Variants in PLCB1 observed in about 807,000 individuals in gnomAD.
The protein encoded by PLCB1 is phospholipase C beta 1.
In PLCB1, 46 loss-of-function variants were observed where a neutral mutation model predicts 161.8. That is an observed-to-expected ratio of 0.28 (90% confidence interval 0.22 to 0.36). The LOEUF (loss-of-function observed/expected upper bound fraction) is 0.36. Ranked by LOEUF, PLCB1 falls within the 10% of genes least tolerant of loss-of-function variation. The pLI is 1.00. For synonymous variants in PLCB1, 517 were observed against 503.7 expected (o/e 1.03, Z -0.35); for missense variants, 1,016 against 1,472.5 (o/e 0.69, Z 5.07).
chr20:8,183,091 C>G (rs1411257246), intron 2 of PLCB1, among the ~76,000 whole-genome samples: 1 of 152,138 alleles, frequency 6.6e-6, no homozygotes, highest in Non-Finnish European at 1.5e-5. Context: ...AAAGATGAGG[C>G]TTTGCTGTAT....
At chr20:8,841,651 A>C (rs1986508394) in intron 31 of PLCB1, among the ~76,000 whole-genome samples, 2 of 152,090 alleles carry the variant, frequency 1.3e-5, no homozygotes, top group South Asian at 4.1e-4. Flanking sequence ...TTATATCTCC[A>C]CTCTTACACG....
At chr20:8,216,207 T>G (rs1979113907) in intron 2 of PLCB1, among the ~76,000 whole-genome samples, 1 of 152,096 alleles carries the variant, frequency 6.6e-6, no homozygotes, top group South Asian at 2.1e-4. Context: ...GTTTTTTACT[T>G]AGGGAGTCTT....
At chr20:8,683,087 G>A (rs185251765) in intron 9 of PLCB1, among the ~76,000 whole-genome samples, 195 of 151,732 alleles carry the variant, frequency 1.3e-3, no homozygotes, top group Admixed American at 3.3e-3. Context: ...TTAAATATCC[G>A]CATAGAATTT....
At chr20:8,355,546 A>G (rs935278181) in intron 2 of PLCB1, among the ~76,000 whole-genome samples, 12 of 152,186 alleles carry the variant, frequency 7.9e-5, no homozygotes, top group Non-Finnish European at 7.3e-5. Context: ...TGTGAGAACT[A>G]TTCATATGAC....
chr20:8,379,878 G>T (rs1012505758), intron 3 of PLCB1, among the ~76,000 whole-genome samples: 1 of 151,844 alleles, frequency 6.6e-6, no homozygotes, highest in East Asian at 1.9e-4. Flanking sequence ...TTGTCAGATC[G>T]GTTGATTGCA....
chr20:8,156,602 C>G (rs2051566147), intron 2 of PLCB1, among the ~76,000 whole-genome samples: 1 of 152,144 alleles, frequency 6.6e-6, no homozygotes, highest in Admixed American at 6.5e-5. Flanking sequence ...TTTCCTAAAA[C>G]AGTCCTAATT....
At chr20:8,777,638 G>A (rs1179830219) in intron 27 of PLCB1, among the ~76,000 whole-genome samples, 1 of 150,916 alleles carries the variant, frequency 6.6e-6, no homozygotes, top group South Asian at 2.1e-4. Flanking sequence ...AGAATCGCTT[G>A]AACCCAGGAG....
intron 2 of PLCB1, among the ~76,000 whole-genome samples, chr20:8,171,073 C>T (rs1380166253): frequency 6.6e-6 from 1 of 152,142 alleles, no homozygotes; most frequent in African/African-American, 2.4e-5. Flanking sequence ...TTTTCGAGTG[C>T]TTCCCCCTTC....
intron 3 of PLCB1, among the ~76,000 whole-genome samples, chr20:8,539,680 C>CTTTCTTTCTT (rs1985222916): frequency 1.9e-5 from 1 of 53,410 alleles, no homozygotes; most frequent in African/African-American, 6.9e-5. Context: ...TTCTTTCTTT[C>CTTTCTTTCTT]TTTCTTTTTC....
At chr20:8,609,748 A>G (rs1987851721) in intron 3 of PLCB1, among the ~76,000 whole-genome samples, 1 of 152,106 alleles carries the variant, frequency 6.6e-6, no homozygotes, top group South Asian at 2.1e-4. Context: ...GGCTCAAGCA[A>G]TCCTCCTGCC....
At chr20:8,283,913 T>C (rs532614338) in intron 2 of PLCB1, among the ~76,000 whole-genome samples, 1 of 152,220 alleles carries the variant, frequency 6.6e-6, no homozygotes, top group African/African-American at 2.4e-5. Context: ...GTTTTTCTAC[T>C]TATAAATTTA....
intron 2 of PLCB1, among the ~76,000 whole-genome samples, chr20:8,359,034 C>T (rs1354175161): frequency 6.6e-6 from 1 of 152,170 alleles, no homozygotes; most frequent in Non-Finnish European, 1.5e-5. Flanking sequence ...TATTTTGTTT[C>T]AACCTACTGT....
At chr20:8,806,411 C>G (rs1984540075) in intron 31 of PLCB1, among the ~76,000 whole-genome samples, 1 of 152,140 alleles carries the variant, frequency 6.6e-6, no homozygotes, top group Non-Finnish European at 1.5e-5. Context: ...TCTAAAGCAG[C>G]AGGATTGAGG....
intron 2 of PLCB1, among the ~76,000 whole-genome samples, chr20:8,195,860 G>A (rs927245842): frequency 2.6e-5 from 4 of 152,012 alleles, no homozygotes; most frequent in Admixed American, 2.6e-4. Context: ...TGTATTAGTC[G>A]ATTCTCACAC....
chr20:8,662,544 ATTAT>A (rs564516095), intron 9 of PLCB1, among the ~76,000 whole-genome samples: 98 of 144,158 alleles, frequency 6.8e-4, no homozygotes, highest in African/African-American at 1.8e-3. Context: ...GTAATATATA[ATTAT>A]TTATCATATA....
At chr20:8,228,413 A>G (rs1251137309) in intron 2 of PLCB1, among the ~76,000 whole-genome samples, 4 of 151,966 alleles carry the variant, frequency 2.6e-5, no homozygotes, top group Non-Finnish European at 5.9e-5. Context: ...ATCCTTCTGG[A>G]TTGCTGGAAT....
intron 2 of PLCB1, among the ~76,000 whole-genome samples, chr20:8,157,401 T>C (rs550305636): frequency 6.6e-6 from 1 of 152,356 alleles, no homozygotes; most frequent in Non-Finnish European, 1.5e-5. Context: ...CCACTCCTCT[T>C]CCTCCCTACT....
chr20:8,545,402 G>A (rs1985498783), intron 3 of PLCB1, among the ~76,000 whole-genome samples: 1 of 152,208 alleles, frequency 6.6e-6, no homozygotes, highest in Admixed American at 6.5e-5. Context: ...AACCACTGGA[G>A]GTTTCTGAGC....
chr20:8,457,276 C>G, intron 3 of PLCB1, among the ~76,000 whole-genome samples: 1 of 152,238 alleles, frequency 6.6e-6, no homozygotes, highest in Middle Eastern at 3.4e-3. Context: ...ATCTTGGCCT[C>G]CTGTCCCACC....
Sources: gnomAD v4.1 joint callset for allele counts (sites outside exome capture counted in the v4.1 genomes callset) on GRCh38, gnomAD v4.1.1 for gene constraint, MANE v1.5 for transcripts, NCBI Gene and HGNC (gene_info 2026-07-23, HGNC 2026-07-21) for gene names.